Variants in KCNQ3 observed in about 807,000 individuals in gnomAD.
KCNQ3 encodes potassium voltage-gated channel subfamily KQT member 3.
KCNQ3 carries 30 observed loss-of-function variants against 92.5 expected under a neutral mutation model. The ratio of observed to expected loss-of-function variants is 0.32; its 90% CI spans 0.24 to 0.44. KCNQ3 has a LOEUF of 0.44. KCNQ3 is among the 20% of genes least tolerant of loss of function. KCNQ3 has a pLI of 1.00. For missense variants in KCNQ3, 913 were observed against 1,140.3 expected, an observed-to-expected ratio of 0.80 and a Z score of 2.87; for synonymous variants, 450 against 468.8, an observed-to-expected ratio of 0.96 and a Z score of 0.52.
chr8:132,278,360 A>C (rs1044981209), intron 1 of KCNQ3, among the ~76,000 whole-genome samples: 3 of 152,196 alleles, frequency 2.0e-5, no homozygotes, highest in African/African-American at 7.2e-5. Context: ...CACAATCAGC[A>C]TTGTCCTCAA....
chr8:132,215,059 G>C lies in KCNQ3; in HGVS notation c.387-28878C>G, dbSNP rs189271336. Among the ~76,000 whole-genome samples, 228 of 152,330 alleles carry C rather than the reference G, an allele frequency of 1.5e-3. No individual in the cohort carries two copies. The Middle Eastern group carries it at 0.034, about 23-fold the overall frequency. On this transcript the variant is annotated intron_variant, in intron 1 of 14. Coordinates refer to ENST00000388996, the MANE Select transcript of KCNQ3 (RefSeq NM_004519.4). ...CAGTCAGGCTTCCATGAAGTGGAGT[G>C]CACCTGTCGTTCCCCCTGGCTGGAG... is the stretch of plus-strand genomic sequence containing the variant.
chr8:132,280,547 T>C (rs564203550), intron 1 of KCNQ3, among the ~76,000 whole-genome samples: 2 of 152,276 alleles, frequency 1.3e-5, no homozygotes, highest in East Asian at 3.9e-4. Context: ...TCTGCCTCCA[T>C]GACCCGAACA....
chr8:132,127,900 T>G lies in KCNQ3; in HGVS notation c.*1362A>C, dbSNP rs967872539. ...TTACGGTTACATATGGTTTTAGTAT[T>G]TTCATTTAAAAAATCTGGGTTGGTT... On this transcript the variant is annotated 3_prime_UTR_variant, in exon 15 of 15. Coordinates refer to ENST00000388996, the MANE Select transcript of KCNQ3 (RefSeq NM_004519.4). The G allele has an allele frequency of 6.6e-6, 1 of 152,212 alleles. No homozygotes were observed. Among genetic ancestry groups the G allele is most frequent in the African/African-American group, 2.4e-5 (1 of 41,442 alleles). 9.4% of individuals were successfully genotyped at this position (152,212 alleles called of 1,614,324 possible).
chr8:132,306,653 G>C (rs183007900), intron 1 of KCNQ3, among the ~76,000 whole-genome samples: 16 of 152,356 alleles, frequency 1.1e-4, no homozygotes, highest in African/African-American at 3.8e-4. Context: ...AGGCAAGCTA[G>C]CAAGAGTCAG....
chr8:132,393,726 C>A (rs1311200590), intron 1 of KCNQ3, among the ~76,000 whole-genome samples: 3 of 152,136 alleles, frequency 2.0e-5, no homozygotes, highest in Non-Finnish European at 2.9e-5. Context: ...GACTGTTATT[C>A]CTCATTTAGA....
intron 1 of KCNQ3, among the ~76,000 whole-genome samples, chr8:132,417,362 T>G (rs1820844971): frequency 6.6e-6 from 1 of 152,072 alleles, no homozygotes; most frequent in East Asian, 1.9e-4. Flanking sequence ...GGGGACCAAG[T>G]CCTCTCCTCC....
In KCNQ3 at chr8:132,250,823, C is replaced by A. The variant is rs914270001; in HGVS notation, c.387-64642G>T. On this transcript the variant is annotated intron_variant, in intron 1 of 14. Transcript: ENST00000388996. ...CCTTAAGGTACTCAAAGAGGGTGAT[C>A]TCAAGCTCTCCCCTACCCACTATCT... is the stretch of plus-strand genomic sequence containing the variant. 9.9e-5 allele frequency among the ~76,000 whole-genome samples: 15 copies of A among 152,260 alleles called. No individual in the cohort carries two copies. In the East Asian group the frequency reaches 2.5e-3, roughly 26 times the overall value.
intron 1 of KCNQ3, among the ~76,000 whole-genome samples, chr8:132,218,573 C>A (rs1327115666): frequency 6.6e-6 from 1 of 152,054 alleles, no homozygotes; most frequent in Admixed American, 6.6e-5. Flanking sequence ...CTCACAAATA[C>A]CTGGAAAGTT....
chr8:132,367,597 T>C (rs1385387293), intron 1 of KCNQ3, among the ~76,000 whole-genome samples: 2 of 152,190 alleles, frequency 1.3e-5, no homozygotes, highest in Non-Finnish European at 2.9e-5. Flanking sequence ...CCTACAAATG[T>C]TTCTTCAACC....
At chr8:132,212,021 A>G (rs1813877167) in intron 1 of KCNQ3, among the ~76,000 whole-genome samples, 1 of 151,770 alleles carries the variant, frequency 6.6e-6, no homozygotes, top group Admixed American at 6.6e-5. Context: ...AATAATTGGT[A>G]GAGCTGGCCT....
intron 1 of KCNQ3, among the ~76,000 whole-genome samples, chr8:132,258,660 A>C (rs1030067465): frequency 6.6e-6 from 1 of 152,116 alleles, no homozygotes; most frequent in African/African-American, 2.4e-5. Context: ...TGACTACAGC[A>C]GAAATAAATG....
At chr8:132,448,502 G>GAAAAAAAAAAAAAAAAAAAAGGGGGAAA (rs1821741502) in intron 1 of KCNQ3, among the ~76,000 whole-genome samples, 1 of 93,884 alleles carries the variant, frequency 1.1e-5, no homozygotes, top group African/African-American at 4.2e-5. Flanking sequence ...GGAGAAATAT[G>GAAAAAAAAAAAAAAAAAAAAGGGGGAAA]AAAAAAAAAA....
rs773181810 is a variant in KCNQ3 at position 132,129,851 on chromosome 8, T to C, written c.2030A>G (p.Tyr677Cys). The C allele has an allele frequency of 1.2e-6, 2 of 1,614,178 alleles. No homozygotes were observed. Among genetic ancestry groups the C allele is most frequent in the Non-Finnish European group, 1.7e-6 (2 of 1,180,026 alleles). ...AEAEKKEDNR[Y>C]SDLKTIICNY... ...GCAGATGATGGTTTTCAAATCGGAA[T>C]ACCTGTTGTCCTCCTTCTTCTCTGC... The change falls in exon 15 of 15, where the codon TAT becomes TGT. Residue 677 changes from tyrosine (Y) to cysteine (C), a missense_variant. By Grantham distance (194) the Tyr-to-Cys change is radical. This residue lies in a region of KCNQ3 where 375 missense variants were observed against 376.4 expected (regional missense o/e 1.00). Coordinates refer to ENST00000388996, the MANE Select transcript of KCNQ3 (RefSeq NM_004519.4). The surrounding 1 kb of genome is among the most constrained non-coding windows in gnomAD (Gnocchi z 5.9).
chr8:132,379,911 A>AT, intron 1 of KCNQ3, among the ~76,000 whole-genome samples: 1 of 100,512 alleles, frequency 9.9e-6, no homozygotes, highest in South Asian at 3.1e-4. Flanking sequence ...TTTTACATTT[A>AT]TTTTTTGGCT....
chr8:132,183,869 A>G (rs568022397), intron 3 of KCNQ3, among the ~76,000 whole-genome samples: 2 of 152,168 alleles, frequency 1.3e-5, no homozygotes, highest in Non-Finnish European at 1.5e-5. Flanking sequence ...TTCTGTCCCA[A>G]CCCGTCTGGA....
chr8:132,126,407 G>A lies in KCNQ3; in HGVS notation c.*2855C>T, dbSNP rs186398066. On this transcript the variant is annotated 3_prime_UTR_variant, in exon 15 of 15. Coordinates refer to ENST00000388996, the MANE Select transcript of KCNQ3 (RefSeq NM_004519.4). ...CACTGTGAGCCATATTGTTGAGATTGTCTGTGCATAGGCAACTTGAGCAGG... is the reference window on the plus strand; with the variant it reads ...CACTGTGAGCCATATTGTTGAGATTATCTGTGCATAGGCAACTTGAGCAGG... 99 of 152,252 alleles carry A rather than the reference G, an allele frequency of 6.5e-4. 1 individual carries two copies. Among genetic ancestry groups the A allele is most frequent in the African/African-American group, 2.3e-3 (94 of 41,544 alleles). 9.4% of individuals were successfully genotyped at this position (152,252 alleles called of 1,614,324 possible).
At chr8:132,356,377 C>T (rs1335032234) in intron 1 of KCNQ3, among the ~76,000 whole-genome samples, 1 of 152,202 alleles carries the variant, frequency 6.6e-6, no homozygotes, top group Non-Finnish European at 1.5e-5. Context: ...ATGCCCACTA[C>T]TCTACGAAGC....
At chr8:132,336,803 T>C (rs756372819) in intron 1 of KCNQ3, among the ~76,000 whole-genome samples, 3 of 152,184 alleles carry the variant, frequency 2.0e-5, no homozygotes, top group East Asian at 1.9e-4. Context: ...ATACAACTCA[T>C]AGCTCTCTCA....
chr8:132,191,561 A>T (rs1406115785), intron 1 of KCNQ3, among the ~76,000 whole-genome samples: 1 of 148,404 alleles, frequency 6.7e-6, no homozygotes, highest in East Asian at 1.9e-4. Flanking sequence ...ATATATATAG[A>T]TAGATGGATA....
Sources: gnomAD v4.1 joint callset for allele counts (sites outside exome capture counted in the v4.1 genomes callset) on GRCh38, gnomAD v4.1.1 for gene constraint, gnomAD v4.1.1 regional missense constraint, Gnocchi (gnomAD v3.1) non-coding constraint, MANE v1.5 for transcripts, NCBI Gene and HGNC (gene_info 2026-07-23, HGNC 2026-07-21) for gene names.